LRBA: variants seen among roughly 807,000 people sequenced by gnomAD.
LRBA encodes lipopolysaccharide-responsive and beige-like anchor protein.
A neutral mutation model predicts 330.0 loss-of-function variants in LRBA; 176 were observed. The ratio of observed to expected loss-of-function variants is 0.53; its 90% confidence interval spans 0.47 to 0.60. The LOEUF is 0.60. LRBA is among the 20% of genes least tolerant of loss of function. The pLI is 0.00. For synonymous variants in LRBA, 1,230 were observed against 1,193.0 expected, an observed-to-expected ratio of 1.03 and a Z score of -0.64; for missense variants, 3,259 against 3,444.8, an observed-to-expected ratio of 0.95 and a Z score of 1.35.
At chr4:150,511,171 T>C (rs1761790322) in intron 40 of LRBA, among the ~76,000 whole-genome samples, 1 of 152,122 alleles carries the variant, frequency 6.6e-6, no homozygotes, top group Admixed American at 6.5e-5. Flanking sequence ...CCTCTCAAAT[T>C]CAACACATCC....
chr4:150,809,097 G>T (rs771277853), intron 31 of LRBA, among the ~76,000 whole-genome samples: 3 of 152,038 alleles, frequency 2.0e-5, no homozygotes, highest in African/African-American at 2.4e-5. Flanking sequence ...AGTGTGAGGA[G>T]GAAATCCAAG....
At chr4:150,533,543 T>C (rs991671078) in intron 40 of LRBA, among the ~76,000 whole-genome samples, 4 of 152,222 alleles carry the variant, frequency 2.6e-5, no homozygotes, top group African/African-American at 9.6e-5. Flanking sequence ...CTGCTGTTGT[T>C]GTTTGAAGGG....
chr4:150,303,720 A>G (rs950311830), intron 52 of LRBA, among the ~76,000 whole-genome samples: 1 of 151,934 alleles, frequency 6.6e-6, no homozygotes, highest in African/African-American at 2.4e-5. Flanking sequence ...ACAGGCACCC[A>G]CCACCACCAC....
intron 13 of LRBA, among the ~76,000 whole-genome samples, chr4:150,902,432 A>G (rs922864903): frequency 6.6e-6 from 1 of 152,164 alleles, no homozygotes; most frequent in African/African-American, 2.4e-5. Context: ...GTCTGGAGGC[A>G]GCGAACCTAA....
intron 2 of LRBA, among the ~76,000 whole-genome samples, chr4:150,929,422 C>G (rs956374673): frequency 1.3e-5 from 2 of 152,194 alleles, no homozygotes; most frequent in Non-Finnish European, 2.9e-5. Flanking sequence ...ACTGAATAAT[C>G]TAAAGGTCCT....
rs1276376678 is a variant in LRBA at position 150,265,367 on chromosome 4, A to AATCCT, written c.*350_*354dup. On this transcript the variant is annotated 3_prime_UTR_variant, in exon 57 of 57. Coordinates refer to ENST00000651943, the MANE Select transcript of LRBA (RefSeq NM_001364905.1). ...TTGTAACCCACTTCCCCACTGTGAA[A>AATCCT]ATCCTATTTCTCAAGCTTGTAGATG... 5.8e-6 allele frequency: 1 copy of AATCCT among 171,756 alleles called. No homozygotes were observed. The highest frequency in any genetic ancestry group is 1.4e-4 in the East Asian group (1 of 6,918). 10.6% of individuals were successfully genotyped at this position (171,756 alleles called of 1,614,324 possible). A position where few individuals can be genotyped will look rare whatever the true frequency, so the allele number is the denominator to read the frequency against.
chr4:150,539,880 TC>T (rs1765127177), intron 40 of LRBA, among the ~76,000 whole-genome samples: 1 of 152,220 alleles, frequency 6.6e-6, no homozygotes, highest in Non-Finnish European at 1.5e-5. Flanking sequence ...TCTAGGAATA[TC>T]TTTTAGAGTA....
chr4:150,312,721 T>C lies in LRBA; in HGVS notation c.7694-2337A>G, dbSNP rs150307991. Among the ~76,000 whole-genome samples, 165 of 152,284 alleles carry C rather than the reference T, an allele frequency of 1.1e-3. 1 individual carries two copies. The highest frequency in any genetic ancestry group is 4.8e-3 in the East Asian group (25 of 5,188). On this transcript the variant is annotated intron_variant, in intron 51 of 56. Coordinates refer to ENST00000651943, the MANE Select transcript of LRBA (RefSeq NM_001364905.1). ...AAAATAAGTTTTAATGATAGACTGT[T>C]AAAATTATAGATTACTTAATAATAA... is the stretch of plus-strand genomic sequence containing the variant.
intron 30 of LRBA, among the ~76,000 whole-genome samples, chr4:150,820,972 T>C (rs1032021689): frequency 8.5e-5 from 13 of 152,084 alleles, no homozygotes; most frequent in African/African-American, 2.4e-4. Context: ...ATACAATGCA[T>C]TGGAAAACAC....
rs1242835290 is a variant in LRBA, at chr4:150,966,516, C to T, written c.217-37451G>A. 2.2e-5 allele frequency among the ~76,000 whole-genome samples: 3 copies of T among 137,874 alleles called. No individual in the cohort carries two copies. In the East Asian group the frequency reaches 6.2e-4, roughly 29 times the overall value. 90.5% of individuals were successfully genotyped at this position (137,874 alleles called of 152,430 possible). A position where few individuals can be genotyped will look rare whatever the true frequency, so the allele number is the denominator to read the frequency against. ...TTTTTTTGGTAATTTTTGGTAGAGA[C>T]GGGGTTTCACCATGTTAGCCAGGAT... On this transcript the variant is annotated intron_variant, in intron 2 of 56. Transcript: ENST00000651943.
At chr4:150,962,437 G>A (rs909432763) in intron 2 of LRBA, among the ~76,000 whole-genome samples, 1 of 149,242 alleles carries the variant, frequency 6.7e-6, no homozygotes, top group African/African-American at 2.6e-5. Context: ...AGGATCACTT[G>A]AGCCCGGGAA....
chr4:150,927,872 T>A (rs1490739185), intron 4 of LRBA, among the ~76,000 whole-genome samples: 1 of 152,190 alleles, frequency 6.6e-6, no homozygotes, highest in Non-Finnish European at 1.5e-5. Context: ...TTAGATACAT[T>A]TAATGAAAGC....
At chr4:150,890,815 AAAAGTAT>A (rs1440728217) in intron 17 of LRBA, among the ~76,000 whole-genome samples, 1 of 152,226 alleles carries the variant, frequency 6.6e-6, no homozygotes, top group African/African-American at 2.4e-5. Flanking sequence ...CACTAAGACT[AAAAGTAT>A]AAAGTATAGA....
At chr4:150,954,263 GGT>G (rs1448056095) in intron 2 of LRBA, among the ~76,000 whole-genome samples, 1 of 152,078 alleles carries the variant, frequency 6.6e-6, no homozygotes, top group Non-Finnish European at 1.5e-5. Flanking sequence ...CCGTCTGGGA[GGT>G]GTACCCAACA....
intron 37 of LRBA, among the ~76,000 whole-genome samples, chr4:150,645,977 T>C (rs573617742): frequency 1.1e-3 from 166 of 148,558 alleles, no homozygotes; most frequent in Non-Finnish European, 2.1e-3. Flanking sequence ...ATTTTATCAA[T>C]AAAAATATAT....
At chr4:150,766,267 CCTT>C (rs1735750595) in intron 34 of LRBA, among the ~76,000 whole-genome samples, 1 of 151,924 alleles carries the variant, frequency 6.6e-6, no homozygotes, top group Non-Finnish European at 1.5e-5. Flanking sequence ...TCAGGAATAT[CCTT>C]ATGTTTTCAT....
intron 36 of LRBA, among the ~76,000 whole-genome samples, chr4:150,725,933 A>T (rs1469976135): frequency 6.6e-6 from 1 of 152,216 alleles, no homozygotes; most frequent in African/African-American, 2.4e-5. Context: ...AGTTTTACAT[A>T]ACAGGTTATA....
At chr4:150,435,531 A>AT (rs1173782962) in intron 46 of LRBA, 58 bp downstream of exon 46, 2 of 1,531,548 alleles carry the variant, frequency 1.3e-6, no homozygotes, top group Non-Finnish European at 1.8e-6. Context: ...AATTTTCAAC[A>AT]TTCACTCAAC....
intron 4 of LRBA, among the ~76,000 whole-genome samples, chr4:150,923,341 A>G (rs1733528311): frequency 6.6e-6 from 1 of 152,026 alleles, no homozygotes; most frequent in South Asian, 2.1e-4. Flanking sequence ...TTCTTCCCAC[A>G]ACAGGGCCTC....
Sources: gnomAD v4.1 joint callset for allele counts (sites outside exome capture counted in the v4.1 genomes callset) on GRCh38, gnomAD v4.1.1 for gene constraint, MANE v1.5 for transcripts, NCBI Gene and HGNC (gene_info 2026-07-23, HGNC 2026-07-21) for gene names.